Variants in TMEM131L observed in about 807,000 individuals in gnomAD.
TMEM131L encodes the protein transmembrane 131 like.
A neutral mutation model predicts 192.2 loss-of-function variants in TMEM131L; 54 were observed. That is an observed-to-expected ratio of 0.28 (90% CI 0.23 to 0.35). The LOEUF (loss-of-function observed/expected upper bound fraction) is 0.35. Among genes scored for constraint, TMEM131L ranks in the 10% least tolerant of loss-of-function variants. The probability of loss-of-function intolerance (pLI) is 1.00; values close to 1 mark genes in which losing one functional copy is unlikely to be tolerated. For synonymous variants in TMEM131L, 701 were observed against 704.9 expected, an observed-to-expected ratio of 0.99 and a Z score of 0.09; for missense variants, 1,888 against 1,972.9, an observed-to-expected ratio of 0.96 and a Z score of 0.82.
chr4:153,498,208 G>A (rs751769191), intron 3 of TMEM131L, among the ~76,000 whole-genome samples: 1 of 152,172 alleles, frequency 6.6e-6, no homozygotes, highest in Middle Eastern at 3.2e-3. Flanking sequence ...CAGAGCCAGG[G>A]GTTTGGGGGA....
intron 3 of TMEM131L, among the ~76,000 whole-genome samples, chr4:153,487,693 CGTGTGTGTGT>C (rs140651689): frequency 7.0e-5 from 10 of 142,106 alleles, no homozygotes; most frequent in East Asian, 2.2e-4. Context: ...GCTGCACAGG[CGTGTGTGTGT>C]GTGTGTGTGT....
intron 3 of TMEM131L, among the ~76,000 whole-genome samples, chr4:153,520,701 C>A (rs190781925): frequency 3.3e-5 from 5 of 152,322 alleles, no homozygotes; most frequent in African/African-American, 1.2e-4. Flanking sequence ...GTCTCTTCTT[C>A]TTTCCTTAAT....
At chr4:153,520,691 G>A (rs574213633) in intron 3 of TMEM131L, among the ~76,000 whole-genome samples, 6 of 152,196 alleles carry the variant, frequency 3.9e-5, no homozygotes, top group African/African-American at 1.2e-4. Context: ...TCTGTGCCCT[G>A]TCTCTTCTTC....
intron 7 of TMEM131L, among the ~76,000 whole-genome samples, chr4:153,571,796 A>G (rs1161036205): frequency 6.6e-6 from 1 of 152,112 alleles, no homozygotes; most frequent in Non-Finnish European, 1.5e-5. Context: ...CCTGAGCTCA[A>G]GTGATCCACC....
At chr4:153,482,920 A>G (rs1732048773) in intron 3 of TMEM131L, among the ~76,000 whole-genome samples, 1 of 152,178 alleles carries the variant, frequency 6.6e-6, no homozygotes, top group Non-Finnish European at 1.5e-5. Flanking sequence ...CCTCCTAGAT[A>G]ACATGTTTTT....
At chr4:153,599,923 T>C (rs1256340677) in intron 21 of TMEM131L, among the ~76,000 whole-genome samples, 1 of 152,018 alleles carries the variant, frequency 6.6e-6, no homozygotes, top group African/African-American at 2.4e-5. Flanking sequence ...TCAGGCATGG[T>C]GTCACTTGGG....
chr4:153,549,222 C>T (rs1737423124), intron 3 of TMEM131L, among the ~76,000 whole-genome samples: 1 of 152,190 alleles, frequency 6.6e-6, no homozygotes, highest in South Asian at 2.1e-4. Context: ...CTGCCTTGGC[C>T]TCTCAAAGTG....
Position 153,555,819 on chromosome 4 carries a change from A to G in TMEM131L, c.341A>G (p.His114Arg). Residue 114 changes from histidine to arginine, a missense_variant, in exon 5 of 35, where the codon CAT becomes CGT. Coordinates refer to ENST00000409959, the MANE Select transcript of TMEM131L (RefSeq NM_001131007.2). The surrounding 1 kb of genome is among the most constrained non-coding windows in gnomAD (Gnocchi z 4.1). ...GGACATCCTGTAGCAAAGATTCTCC[A>G]TGCTTACAACCCTAGTAGGGACAGC... ...FLGHPVAKIL[H>R]AYNPSRDSEV... 2 of 1,551,484 alleles carry G rather than the reference A, an allele frequency of 1.3e-6. No homozygotes were observed. The highest frequency in any genetic ancestry group is 1.7e-6 in the Non-Finnish European group (2 of 1,146,722).
In TMEM131L at chr4:153,601,238, A is replaced by G. The variant is rs548937247; in HGVS notation, c.2267-914A>G. On this transcript the variant is annotated intron_variant, in intron 21 of 34. Coordinates refer to ENST00000409959, the MANE Select transcript of TMEM131L (RefSeq NM_001131007.2). ...GATAGAATTAAGAAGTAATATAAAA[A>G]CTATAGAACCAGACCTGTCGCCATA... is the stretch of plus-strand genomic sequence containing the variant. Among the ~76,000 whole-genome samples the G allele has an allele frequency of 3.9e-5, 6 of 152,326 alleles. No homozygotes were observed. The East Asian group carries it at 1.2e-3, about 29-fold the overall frequency.
intron 3 of TMEM131L, among the ~76,000 whole-genome samples, chr4:153,499,111 C>T (rs745832195): frequency 6.6e-6 from 1 of 152,242 alleles, no homozygotes; most frequent in Non-Finnish European, 1.5e-5. Flanking sequence ...AGGCACAACT[C>T]ATGTCTCTCC....
chr4:153,587,662 C>T (rs1730786962), intron 14 of TMEM131L, 80 bp from the exon 15 acceptor site: 2 of 1,038,146 alleles, frequency 1.9e-6, no homozygotes, highest in Non-Finnish European at 3.0e-6. Context: ...AGACCAATGT[C>T]TGCTTTGAAT....
intron 3 of TMEM131L, among the ~76,000 whole-genome samples, chr4:153,497,629 T>C (rs1245241606): frequency 1.3e-5 from 2 of 152,178 alleles, no homozygotes; most frequent in Non-Finnish European, 2.9e-5. Context: ...GTAAAGCGTT[T>C]TCCATGTTGG....
intron 25 of TMEM131L, among the ~76,000 whole-genome samples, chr4:153,606,342 G>A (rs911252563): frequency 7.2e-5 from 11 of 152,170 alleles, no homozygotes; most frequent in African/African-American, 2.4e-4. Context: ...TGCTTCTTCT[G>A]TGATCGCTTG....
intron 29 of TMEM131L, among the ~76,000 whole-genome samples, chr4:153,624,543 G>A (rs770597454): frequency 1.3e-5 from 2 of 152,256 alleles, no homozygotes; most frequent in Non-Finnish European, 2.9e-5. Context: ...AGATTGTGCA[G>A]TTCCTGTTTG....
intron 3 of TMEM131L, among the ~76,000 whole-genome samples, chr4:153,495,649 G>A (rs1230567022): frequency 2.6e-5 from 4 of 152,142 alleles, no homozygotes; most frequent in Non-Finnish European, 5.9e-5. Flanking sequence ...GGTGAGCAGA[G>A]GGATGACTTT....
chr4:153,497,848 C>CT (rs144355438), intron 3 of TMEM131L, among the ~76,000 whole-genome samples: 2 of 73,994 alleles, frequency 2.7e-5, no homozygotes, highest in South Asian at 8.2e-4. Flanking sequence ...ATGCAGAAAT[C>CT]TTTTTTTTCT....
At chr4:153,526,805 T>C (rs1197123841) in intron 3 of TMEM131L, among the ~76,000 whole-genome samples, 1 of 151,704 alleles carries the variant, frequency 6.6e-6, no homozygotes, top group East Asian at 1.9e-4. Flanking sequence ...TCCTGTCGTG[T>C]TGTGAAATGT....
At chr4:153,484,634 A>C (rs1732185094) in intron 3 of TMEM131L, among the ~76,000 whole-genome samples, 1 of 149,180 alleles carries the variant, frequency 6.7e-6, no homozygotes, top group Non-Finnish European at 1.5e-5. Context: ...ACGCCCAGCT[A>C]ATTTTTTGTA....
intron 3 of TMEM131L, among the ~76,000 whole-genome samples, chr4:153,481,607 C>T (rs2149799080): frequency 6.6e-6 from 1 of 152,328 alleles, no homozygotes; most frequent in Non-Finnish European, 1.5e-5. Flanking sequence ...ATCATCTTAG[C>T]TCACTGCAAC....
Sources: allele counts gnomAD v4.1 joint callset (sites outside exome capture counted in the v4.1 genomes callset), GRCh38; gene constraint gnomAD v4.1.1; non-coding constraint Gnocchi (gnomAD v3.1); transcripts MANE v1.5; gene names NCBI Gene and HGNC (gene_info 2026-07-23, HGNC 2026-07-21).